The following PTPRQ variants were observed in gnomAD, a reference collection of about 807,000 sequenced individuals.
The protein encoded by PTPRQ is phosphatidylinositol phosphatase PTPRQ.
Under a neutral mutation model 246.0 loss-of-function variants are expected in PTPRQ, and 199 were observed. That is an observed-to-expected ratio of 0.81 (90% CI 0.72 to 0.91). PTPRQ has a LOEUF of 0.91. PTPRQ is among the 40% of genes least tolerant of loss of function. PTPRQ has a pLI of 0.00. For missense variants in PTPRQ, 2,624 were observed against 2,528.4 expected (o/e 1.04, Z -0.81); for synonymous variants, 869 against 853.2 (o/e 1.02, Z -0.32).
chr12:80,625,472 G>T (rs1249983575), intron 33 of PTPRQ, among the ~76,000 whole-genome samples: 2 of 152,180 alleles, frequency 1.3e-5, no homozygotes, highest in Non-Finnish European at 2.9e-5. Context: ...TGGGATTTAA[G>T]AGCTTTTGCA....
Position 80,510,484 on chromosome 12 carries a change from T to C in PTPRQ, c.2678+41T>C, listed in dbSNP as rs760974725. The C allele has an allele frequency of 8.8e-6, 13 of 1,483,242 alleles. No individual in the cohort carries two copies. The South Asian group carries it at 1.4e-4, about 16-fold the overall frequency. The allele number at this position is 1,483,242 out of a possible 1,614,324, so 91.9% of individuals were successfully genotyped here. A position where few individuals can be genotyped will look rare whatever the true frequency, so the allele number is the denominator to read the frequency against. Reference sequence around the variant, plus strand: ...TTGGAAATAGTTCTGAGAACAGATATTAATCTGTAACATAATAGGAATGTA... The same window carrying C: ...TTGGAAATAGTTCTGAGAACAGATACTAATCTGTAACATAATAGGAATGTA... On this transcript the variant is annotated intron_variant, in intron 17 of 44. Transcript: ENST00000644991.
rs559661800 is a variant in PTPRQ, at chr12:80,484,839, A to C, written c.1359+234A>C. Among the ~76,000 whole-genome samples the C allele has an allele frequency of 2.6e-5, 4 of 152,284 alleles. No individual in the cohort carries two copies. In the South Asian group the frequency reaches 6.2e-4, roughly 24 times the overall value. ...TCATATGAAAAATGTTAATTGTGCA[A>C]TTAAACAGGACTAAAGGTATTTTCA... On this transcript the variant is annotated intron_variant, in intron 9 of 44. Coordinates refer to ENST00000644991, the MANE Select transcript of PTPRQ (RefSeq NM_001145026.2).
chr12:80,487,309 T>G (rs1694479235), intron 9 of PTPRQ, among the ~76,000 whole-genome samples: 1 of 152,092 alleles, frequency 6.6e-6, no homozygotes. Flanking sequence ...GACAGAGATC[T>G]TGGGACAGTG....
intron 30 of PTPRQ, among the ~76,000 whole-genome samples, chr12:80,617,536 A>G (rs1174107572): frequency 2.0e-5 from 3 of 151,376 alleles, no homozygotes; most frequent in Non-Finnish European, 1.5e-5. Flanking sequence ...TCAGTGGCAG[A>G]CGTGTAGGTG....
In PTPRQ at chr12:80,620,391, T is replaced by C; in HGVS notation, c.5612+15T>C. The C allele has an allele frequency of 1.3e-6, 2 of 1,547,562 alleles. No homozygotes were observed. The highest frequency in any genetic ancestry group is 1.7e-6 in the Non-Finnish European group (2 of 1,144,664). On this transcript the variant is annotated intron_variant, in intron 32 of 44. Coordinates refer to ENST00000644991, the MANE Select transcript of PTPRQ (RefSeq NM_001145026.2). ...AAGCAATACTTGTAAGTATAGGTTA[T>C]ATCTACCATGCATTCTGTTAGCAAG... is the stretch of plus-strand genomic sequence containing the variant.
At chr12:80,600,447 G>A (rs1448097957) in intron 26 of PTPRQ, among the ~76,000 whole-genome samples, 1 of 151,702 alleles carries the variant, frequency 6.6e-6, no homozygotes, top group Non-Finnish European at 1.5e-5. Context: ...TTTGCACTTT[G>A]TCCTCAAATG....
chr12:80,679,082 C>A lies in PTPRQ; in HGVS notation c.*59C>A. Reference sequence around the variant, plus strand: ...TTTTAAATCCCAGGGGCCAAAGTTACCCCCTCATTCTTCCGAATTGAAATG... The same window carrying A: ...TTTTAAATCCCAGGGGCCAAAGTTAACCCCTCATTCTTCCGAATTGAAATG... On this transcript the variant is annotated 3_prime_UTR_variant, in exon 45 of 45. Coordinates refer to ENST00000644991, the MANE Select transcript of PTPRQ (RefSeq NM_001145026.2). The A allele has an allele frequency of 3.9e-6, 6 of 1,521,896 alleles. No individual in the cohort carries two copies. Among genetic ancestry groups the A allele is most frequent in the Non-Finnish European group, 5.3e-6 (6 of 1,134,988 alleles). The allele number at this position is 1,521,896 out of a possible 1,614,324, so 94.3% of individuals were successfully genotyped here. A position where few individuals can be genotyped will look rare whatever the true frequency, so the allele number is the denominator to read the frequency against.
At chr12:80,463,010 G>A (rs1893253398) in intron 6 of PTPRQ, among the ~76,000 whole-genome samples, 1 of 152,084 alleles carries the variant, frequency 6.6e-6, no homozygotes. Flanking sequence ...GAACAAAGCT[G>A]GACAGAGAAT....
chr12:80,534,925 C>G lies in PTPRQ; in HGVS notation c.2873C>G (p.Ala958Gly). The G allele has an allele frequency of 6.5e-7, 1 of 1,549,974 alleles. No homozygotes were observed. Among genetic ancestry groups the G allele is most frequent in the African/African-American group, 1.4e-5 (1 of 73,092 alleles). ...PSDPPKDVYY[A>G]NLSSSSIILF... is the part of the protein sequence containing the mutation. ...GATCCTCCCAAAGATGTTTATTATG[C>G]AAACCTCAGTTCTTCATCAATAATT... is the stretch of plus-strand genomic sequence containing the variant. Residue 958 changes from alanine to glycine, a missense_variant, in exon 19 of 45, where the codon GCA becomes GGA. Ala to Gly is a moderately conservative substitution (Grantham distance 60). Coordinates refer to ENST00000644991, the MANE Select transcript of PTPRQ (RefSeq NM_001145026.2).
chr12:80,555,328 G>A (rs746330384), intron 25 of PTPRQ, among the ~76,000 whole-genome samples: 1 of 151,948 alleles, frequency 6.6e-6, no homozygotes. Context: ...CAAAGTGTTG[G>A]GATTACAGGC....
chr12:80,675,132 A>C (rs1028541698), intron 43 of PTPRQ, among the ~76,000 whole-genome samples: 5 of 152,134 alleles, frequency 3.3e-5, no homozygotes, highest in African/African-American at 9.7e-5. Context: ...CAGAAATGGA[A>C]TATTATACAT....
intron 33 of PTPRQ, among the ~76,000 whole-genome samples, chr12:80,626,221 A>T (rs1899196519): frequency 6.6e-6 from 1 of 152,182 alleles, no homozygotes; most frequent in South Asian, 2.1e-4. Context: ...TTAACGAGAC[A>T]GTGGTAATGT....
intron 38 of PTPRQ, 85 bp downstream of exon 38, chr12:80,652,919 T>C (rs978124602): frequency 7.8e-7 from 1 of 1,287,336 alleles, no homozygotes; most frequent in Non-Finnish European, 1.0e-6. Context: ...TTAATATATT[T>C]TATTTTATAT....
chr12:80,622,538 C>T (rs1475841468), intron 33 of PTPRQ, among the ~76,000 whole-genome samples: 4 of 151,908 alleles, frequency 2.6e-5, no homozygotes, highest in South Asian at 2.1e-4. Context: ...CAAAACAGCC[C>T]GTAATGTCAG....
chr12:80,457,300 T>C (rs1592526231), intron 3 of PTPRQ, among the ~76,000 whole-genome samples: 1 of 152,116 alleles, frequency 6.6e-6, no homozygotes, highest in Non-Finnish European at 1.5e-5. Context: ...TAAACCCAAC[T>C]GCAACTGGAT....
chr12:80,455,281 C>T (rs1002892583), intron 3 of PTPRQ, among the ~76,000 whole-genome samples: 7 of 152,108 alleles, frequency 4.6e-5, no homozygotes, highest in Admixed American at 3.9e-4. Context: ...AAATTGATAA[C>T]TTTGGTTAAT....
intron 35 of PTPRQ, among the ~76,000 whole-genome samples, chr12:80,638,213 G>A (rs1174949835): frequency 6.6e-6 from 1 of 150,524 alleles, no homozygotes; most frequent in South Asian, 2.1e-4. Flanking sequence ...AAGTGGCAGT[G>A]AGCCAAGATC....
chr12:80,513,382 G>A (rs772643161), intron 17 of PTPRQ, among the ~76,000 whole-genome samples: 9 of 152,106 alleles, frequency 5.9e-5, no homozygotes, highest in Non-Finnish European at 1.0e-4. Context: ...CTGGCCTGCG[G>A]CGTCTGTCAG....
intron 17 of PTPRQ, among the ~76,000 whole-genome samples, chr12:80,517,488 G>T (rs1895340888): frequency 6.6e-6 from 1 of 151,868 alleles, no homozygotes; most frequent in African/African-American, 2.4e-5. Flanking sequence ...TCAAGCATTT[G>T]TCCTTAGTGT....
Sources: gnomAD v4.1 joint callset for allele counts (sites outside exome capture counted in the v4.1 genomes callset) on GRCh38, gnomAD v4.1.1 for gene constraint, MANE v1.5 for transcripts, NCBI Gene and HGNC (gene_info 2026-07-23, HGNC 2026-07-21) for gene names.